Variants in PAQR5 observed in about 807,000 individuals in gnomAD.
PAQR5 encodes membrane progestin receptor gamma.
Under a neutral mutation model 34.5 loss-of-function variants are expected in PAQR5, and 20 were observed. That is an observed-to-expected ratio of 0.58 (90% CI 0.41 to 0.84). The LOEUF (loss-of-function observed/expected upper bound fraction) is 0.84. Among genes scored for constraint, PAQR5 ranks in the 40% least tolerant of loss-of-function variants. The pLI is 0.00. For missense variants in PAQR5, 378 were observed against 412.7 expected, an observed-to-expected ratio of 0.92 and a Z score of 0.73; for synonymous variants, 131 against 155.6, an observed-to-expected ratio of 0.84 and a Z score of 1.18.
rs1161124974 is a variant in PAQR5, at chr15:69,310,882, C to CA, written c.-277+11833dup. ...TGAAACCCCGTCTCTACTAAAAATA[C>CA]AAAAAAATTAGCCGGGTGTGGTGGC... On this transcript the variant is annotated intron_variant, in intron 1 of 8. Transcript: ENST00000395407. Among the ~76,000 whole-genome samples the CA allele has an allele frequency of 2.6e-5, 4 of 150,974 alleles. 1 individual carries two copies. Among genetic ancestry groups the CA allele is most frequent in the Admixed American group, 1.3e-4 (2 of 15,172 alleles).
chr15:69,400,177 C>A, intron 8 of PAQR5, 62 bp downstream of exon 8: 1 of 1,521,746 alleles, frequency 6.6e-7, no homozygotes, highest in South Asian at 1.2e-5. Context: ...GGGTCCTGTC[C>A]CTGACTCCAG....
intron 6 of PAQR5, among the ~76,000 whole-genome samples, chr15:69,392,556 C>T (rs1336366850): frequency 6.6e-6 from 1 of 152,164 alleles, no homozygotes; most frequent in African/African-American, 2.4e-5. Flanking sequence ...CTCCAGGTAC[C>T]ACGTTAGGAG....
intron 2 of PAQR5, among the ~76,000 whole-genome samples, chr15:69,339,780 A>G (rs1195794609): frequency 2.0e-5 from 3 of 151,772 alleles, no homozygotes. Context: ...GCCCCTCCAC[A>G]ATCTTTAGAA....
At chr15:69,389,025 T>C (rs1268812392) in intron 5 of PAQR5, among the ~76,000 whole-genome samples, 1 of 152,246 alleles carries the variant, frequency 6.6e-6, no homozygotes, top group African/African-American at 2.4e-5. Context: ...TAAGCAACCC[T>C]TCTTTCACAA....
chr15:69,355,331 TC>T (rs1265803373), intron 2 of PAQR5, among the ~76,000 whole-genome samples: 15,254 of 54,816 alleles, frequency 0.28, 808 homozygotes, highest in African/African-American at 0.31. Context: ...TTTCTTTCTT[TC>T]TTTCTTTCTT....
At chr15:69,364,541 A>G (rs891469872) in intron 3 of PAQR5, among the ~76,000 whole-genome samples, 1 of 148,080 alleles carries the variant, frequency 6.8e-6, no homozygotes, top group Non-Finnish European at 1.5e-5. Context: ...TACATTATAT[A>G]TGTTATATAT....
intron 2 of PAQR5, among the ~76,000 whole-genome samples, chr15:69,356,899 C>A (rs186245080): frequency 6.6e-6 from 1 of 152,152 alleles, no homozygotes; most frequent in South Asian, 2.1e-4. Flanking sequence ...CTGCGCAAGT[C>A]TCATGTTGAA....
intron 3 of PAQR5, 103 bp downstream of exon 3, chr15:69,360,234 C>T (rs181020508): frequency 1.3e-6 from 1 of 783,262 alleles, no homozygotes; most frequent in Non-Finnish European, 2.1e-6. Context: ...TCTGTACAGG[C>T]CCATTCCCTT....
At chr15:69,378,818 C>A (rs192530273) in intron 3 of PAQR5, among the ~76,000 whole-genome samples, 28 of 152,250 alleles carry the variant, frequency 1.8e-4, no homozygotes, top group African/African-American at 6.5e-4. Flanking sequence ...CTGTTTGTCA[C>A]AACTTGGGGG....
Position 69,397,314 on chromosome 15 carries a change from C to T in PAQR5, c.513-154C>T, listed in dbSNP as rs554350843. The stretch of plus-strand genomic sequence containing the variant: ...CTTCCATTGGGGTGGGAGGAATGGA[C>T]GAGGCTGGTGGAGAAGCTGCTGGCC... On this transcript the variant is annotated intron_variant, in intron 6 of 8. Transcript: ENST00000395407. 85 of 711,938 alleles carry T rather than the reference C, an allele frequency of 1.2e-4. No individual in the cohort carries two copies. In the East Asian group the frequency reaches 1.6e-3, roughly 13 times the overall value. The allele number at this position is 711,938 out of a possible 1,614,324, so 44.1% of individuals were successfully genotyped here.
chr15:69,354,077 GT>G (rs890481269), intron 2 of PAQR5, among the ~76,000 whole-genome samples: 17 of 152,152 alleles, frequency 1.1e-4, no homozygotes, highest in Non-Finnish European at 2.1e-4. Context: ...TGTGATTAAG[GT>G]CAATGGGAAA....
At chr15:69,334,089 G>A (rs961301343) in intron 1 of PAQR5, among the ~76,000 whole-genome samples, 6 of 152,108 alleles carry the variant, frequency 3.9e-5, no homozygotes, top group East Asian at 1.9e-4. Context: ...AGGCAGTGGC[G>A]CAGTCTTGGC....
intron 7 of PAQR5, 137 bp downstream of exon 7, chr15:69,397,701 C>A (rs1012422303): frequency 4.3e-5 from 29 of 679,392 alleles, no homozygotes; most frequent in Non-Finnish European, 7.8e-5. Flanking sequence ...GTGAAGGGGG[C>A]CAGCCCCTCC....
intron 3 of PAQR5, among the ~76,000 whole-genome samples, chr15:69,375,992 T>C (rs1035325787): frequency 1.3e-5 from 2 of 152,226 alleles, no homozygotes; most frequent in East Asian, 3.8e-4. Flanking sequence ...AGCAGGTGCA[T>C]GCAAGTCTTG....
intron 2 of PAQR5, among the ~76,000 whole-genome samples, chr15:69,356,784 A>C (rs1239415243): frequency 6.6e-6 from 1 of 152,176 alleles, no homozygotes. Flanking sequence ...AAGGTCTTCA[A>C]AGGTGTGTCC....
chr15:69,329,061 G>A (rs28620268), intron 1 of PAQR5, among the ~76,000 whole-genome samples: 7,933 of 152,324 alleles, frequency 0.052, 692 homozygotes, highest in African/African-American at 0.18. Flanking sequence ...GATTCCGTCT[G>A]GACGCCAGGT....
At chr15:69,334,320 A>G (rs1029322456) in intron 1 of PAQR5, among the ~76,000 whole-genome samples, 12 of 152,216 alleles carry the variant, frequency 7.9e-5, no homozygotes, top group African/African-American at 2.9e-4. Context: ...GAGCCACTGC[A>G]CCCGACCTGG....
At chr15:69,398,542 G>A (rs1014026469) in intron 7 of PAQR5, among the ~76,000 whole-genome samples, 3 of 152,168 alleles carry the variant, frequency 2.0e-5, no homozygotes, top group African/African-American at 7.2e-5. Context: ...GCGTCCTGTG[G>A]GCTTGAAGAA....
intron 1 of PAQR5, among the ~76,000 whole-genome samples, chr15:69,301,258 C>T (rs1425806372): frequency 6.6e-6 from 1 of 152,052 alleles, no homozygotes; most frequent in Non-Finnish European, 1.5e-5. Context: ...CCCGGGTTGG[C>T]CTCCCAAAGT....
Sources: gnomAD v4.1 joint callset for allele counts (sites outside exome capture counted in the v4.1 genomes callset) on GRCh38, gnomAD v4.1.1 for gene constraint, MANE v1.5 for transcripts, NCBI Gene and HGNC (gene_info 2026-07-23, HGNC 2026-07-21) for gene names.